Variants in ULK4 observed in about 807,000 individuals in gnomAD.
ULK4 encodes the protein inactive serine/threonine-protein kinase ULK4.
Under a neutral mutation model 160.6 loss-of-function variants are expected in ULK4, and 133 were observed. The ratio of observed to expected loss-of-function variants is 0.83; its 90% CI spans 0.72 to 0.96. The LOEUF is 0.96. ULK4 is among the 40% of genes least tolerant of loss of function. The pLI is 0.00. For missense variants in ULK4, 1,580 were observed against 1,499.5 expected (o/e 1.05, Z -0.89); for synonymous variants, 534 against 539.8 (o/e 0.99, Z 0.15).
At chr3:41,531,805 T>C (rs926769346) in intron 32 of ULK4, among the ~76,000 whole-genome samples, 8 of 152,270 alleles carry the variant, frequency 5.3e-5, no homozygotes, top group Non-Finnish European at 8.8e-5. Flanking sequence ...TTGTAACAAT[T>C]AGAATTTTTC....
intron 35 of ULK4, among the ~76,000 whole-genome samples, chr3:41,327,738 G>A (rs374634173): frequency 6.6e-6 from 1 of 152,110 alleles, no homozygotes; most frequent in Non-Finnish European, 1.5e-5. Context: ...GTATTTATGC[G>A]GCGCCATCCT....
rs539582921 is a variant in ULK4 at position 41,397,992 on chromosome 3, A to G, written c.3678+87T>C. 3 of 1,440,642 alleles carry G rather than the reference A, an allele frequency of 2.1e-6. No individual in the cohort carries two copies. The East Asian group carries it at 6.9e-5, about 33-fold the overall frequency. 89.2% of individuals were successfully genotyped at this position (1,440,642 alleles called of 1,614,324 possible). ...CTCTTGCAAATTCTCTGTAAATTTG[A>G]AATTAGGTCCAAGAAATGGCTACTC... is the stretch of plus-strand genomic sequence containing the variant. On this transcript the variant is annotated intron_variant, in intron 35 of 36. Transcript: ENST00000301831.
intron 34 of ULK4, among the ~76,000 whole-genome samples, chr3:41,414,203 A>AAAACAAAC (rs373648364): frequency 6.6e-6 from 1 of 151,632 alleles, no homozygotes; most frequent in East Asian, 1.9e-4. Flanking sequence ...TTCCATCTCA[A>AAAACAAAC]AAACAAACAA....
At chr3:41,793,953 G>A (rs1559556939) in intron 20 of ULK4, among the ~76,000 whole-genome samples, 1 of 152,194 alleles carries the variant, frequency 6.6e-6, no homozygotes, top group Non-Finnish European at 1.5e-5. Context: ...GACTAGGGCA[G>A]TGGTTCTTAA....
At chr3:41,727,989 G>A (rs78995698) in intron 22 of ULK4, among the ~76,000 whole-genome samples, 1,885 of 152,310 alleles carry the variant, frequency 0.012, 38 homozygotes, top group African/African-American at 0.041. Flanking sequence ...CAACTAAGCA[G>A]CTGGAATAAC....
intron 35 of ULK4, among the ~76,000 whole-genome samples, chr3:41,379,194 T>TA (rs1396368672): frequency 6.8e-6 from 1 of 146,324 alleles, no homozygotes; most frequent in African/African-American, 2.6e-5. Context: ...TCCCAGAACT[T>TA]AAAGTATTTA....
intron 33 of ULK4, among the ~76,000 whole-genome samples, chr3:41,455,830 G>T (rs1435348514): frequency 1.3e-5 from 2 of 152,210 alleles, no homozygotes; most frequent in African/African-American, 4.8e-5. Flanking sequence ...GACCTGGACA[G>T]CACATAGATA....
chr3:41,462,388 C>G (rs952151760), intron 33 of ULK4, among the ~76,000 whole-genome samples: 5 of 152,188 alleles, frequency 3.3e-5, no homozygotes, highest in African/African-American at 9.7e-5. Context: ...CACCTTGACC[C>G]TGTCACTTTC....
intron 31 of ULK4, among the ~76,000 whole-genome samples, chr3:41,603,426 T>C (rs970504133): frequency 1.3e-5 from 2 of 152,044 alleles, no homozygotes; most frequent in Admixed American, 1.3e-4. Context: ...CTCTCCTCAG[T>C]TGACAGGATA....
At chr3:41,257,022 C>T (rs2078848418) in intron 35 of ULK4, among the ~76,000 whole-genome samples, 1 of 152,092 alleles carries the variant, frequency 6.6e-6, no homozygotes, top group Non-Finnish European at 1.5e-5. Flanking sequence ...CCACCATGCC[C>T]AGCTAAAAAG....
chr3:41,622,651 C>T (rs981206909), intron 30 of ULK4, among the ~76,000 whole-genome samples: 2 of 151,892 alleles, frequency 1.3e-5, no homozygotes, highest in African/African-American at 4.8e-5. Context: ...CTAATGCATG[C>T]AGAGCTTAAA....
intron 32 of ULK4, among the ~76,000 whole-genome samples, chr3:41,503,716 GTT>G (rs1465177030): frequency 6.6e-6 from 1 of 152,010 alleles, no homozygotes; most frequent in Non-Finnish European, 1.5e-5. Flanking sequence ...CATTTAGTAT[GTT>G]TTTGTCTTTT....
At chr3:41,448,553 T>G (rs149740223) in intron 34 of ULK4, among the ~76,000 whole-genome samples, 1 of 152,266 alleles carries the variant, frequency 6.6e-6, no homozygotes, top group Non-Finnish European at 1.5e-5. Flanking sequence ...GTTTTGTATT[T>G]TGGAAAGAAC....
chr3:41,282,010 G>A (rs2125695425), intron 35 of ULK4, among the ~76,000 whole-genome samples: 1 of 152,154 alleles, frequency 6.6e-6, no homozygotes, highest in East Asian at 1.9e-4. Context: ...ACCAATAACA[G>A]ACAAACAGAG....
rs574429026 is a variant in ULK4 at position 41,594,645 on chromosome 3, T to C, written c.3120+21024A>G. Among the ~76,000 whole-genome samples, 8 of 152,296 alleles carry C rather than the reference T, an allele frequency of 5.3e-5. No homozygotes were observed. The East Asian group carries it at 1.4e-3, about 26-fold the overall frequency. On this transcript the variant is annotated intron_variant, in intron 31 of 36. Coordinates refer to ENST00000301831, the MANE Select transcript of ULK4 (RefSeq NM_017886.4). ...GGAAGAGAGATGCGAGGGACAGAAG[T>C]GGTGCTTTATAGCCCCAGTTAGAGA... is the stretch of plus-strand genomic sequence containing the variant.
intron 22 of ULK4, among the ~76,000 whole-genome samples, chr3:41,745,308 T>C (rs1451627617): frequency 6.6e-6 from 1 of 151,534 alleles, no homozygotes; most frequent in African/African-American, 2.4e-5. Context: ...ACATCATCTA[T>C]ATCAGGAATG....
intron 35 of ULK4, among the ~76,000 whole-genome samples, chr3:41,374,277 A>C (rs531115733): frequency 3.3e-5 from 5 of 152,310 alleles, no homozygotes; most frequent in African/African-American, 1.2e-4. Context: ...ATCCTCCCTA[A>C]CTCATTTTAT....
Position 41,848,967 on chromosome 3 carries a change from T to C in ULK4, c.1657-12996A>G, listed in dbSNP as rs181513968. Among the ~76,000 whole-genome samples, 5 of 152,278 alleles carry C rather than the reference T, an allele frequency of 3.3e-5. No individual in the cohort carries two copies. In the East Asian group the frequency reaches 9.6e-4, roughly 29 times the overall value. On this transcript the variant is annotated intron_variant, in intron 17 of 36. Coordinates refer to ENST00000301831, the MANE Select transcript of ULK4 (RefSeq NM_017886.4). ...CTAGTTCTGGCCAATTAACTGAAAGTGGAAATGATGTATGTATTCCTATGT... is the reference window on the plus strand; with the variant it reads ...CTAGTTCTGGCCAATTAACTGAAAGCGGAAATGATGTATGTATTCCTATGT...
At chr3:41,927,538 A>G (rs114389543) in intron 5 of ULK4, among the ~76,000 whole-genome samples, 2,910 of 152,254 alleles carry the variant, frequency 0.019, 93 homozygotes, top group African/African-American at 0.064. Flanking sequence ...CCCCAATTAA[A>G]AAGACATAGA....
Sources: allele counts gnomAD v4.1 joint callset (sites outside exome capture counted in the v4.1 genomes callset), GRCh38; gene constraint gnomAD v4.1.1; transcripts MANE v1.5; gene names NCBI Gene and HGNC (gene_info 2026-07-23, HGNC 2026-07-21).